Variants in EFCAB5 observed in about 807,000 individuals in gnomAD.
EFCAB5 encodes EF-hand calcium binding domain 5.
Under a neutral mutation model 167.9 loss-of-function variants are expected in EFCAB5, and 131 were observed. That is an observed-to-expected ratio of 0.78 (90% CI 0.68 to 0.90). EFCAB5 has a LOEUF of 0.90. Among genes scored for constraint, EFCAB5 ranks in the 40% least tolerant of loss-of-function variants. The pLI is 0.00. For synonymous variants in EFCAB5, 574 were observed against 602.8 expected (o/e 0.95, Z 0.70); for missense variants, 1,663 against 1,745.2 (o/e 0.95, Z 0.84).
intron 9 of EFCAB5, among the ~76,000 whole-genome samples, chr17:30,051,597 C>T (rs1230828222): frequency 1.3e-5 from 2 of 152,174 alleles, no homozygotes; most frequent in Non-Finnish European, 2.9e-5. Context: ...ACTCTTCTCA[C>T]CCAGGCTGGA....
intron 22 of EFCAB5, among the ~76,000 whole-genome samples, chr17:30,093,377 G>C (rs759188803): frequency 2.6e-5 from 4 of 152,200 alleles, no homozygotes; most frequent in Non-Finnish European, 5.9e-5. Flanking sequence ...ACATATGAGA[G>C]TAAATATACA....
Position 30,078,743 on chromosome 17 carries a change from G to T in EFCAB5, c.3027+239G>T, listed in dbSNP as rs146136887. On this transcript the variant is annotated intron_variant, in intron 15 of 22. Coordinates refer to ENST00000394835, the MANE Select transcript of EFCAB5 (RefSeq NM_198529.4). ...AGGTAGAAAAGACAGATGTAGAAAA[G>T]ATGTCTTGGGATTTCTAATTTCATT... is the stretch of plus-strand genomic sequence containing the variant. Among the ~76,000 whole-genome samples, 684 of 152,292 alleles carry T rather than the reference G, an allele frequency of 4.5e-3. 5 individuals carry two copies. Among genetic ancestry groups the T allele is most frequent in the African/African-American group, 0.016 (646 of 41,548 alleles).
chr17:30,022,290 A>G (rs1278344928), intron 7 of EFCAB5, among the ~76,000 whole-genome samples: 1 of 152,192 alleles, frequency 6.6e-6, no homozygotes, highest in East Asian at 1.9e-4. Flanking sequence ...AGGTATATGC[A>G]GGAATTTATT....
At position 29,966,281 on chromosome 17, in the gene EFCAB5, C is replaced by T. The variant is rs1166348010; in HGVS notation, c.191-2510C>T. ...TCTTACATTATTTATTTGAATATTT[C>T]ATTATGTCTAACACTTGGCTTACAC... is the stretch of plus-strand genomic sequence containing the variant. On this transcript the variant is annotated intron_variant, in intron 3 of 22. Transcript: ENST00000394835. 3.3e-5 allele frequency among the ~76,000 whole-genome samples: 5 copies of T among 152,058 alleles called. No homozygotes were observed. In the South Asian group the frequency reaches 1.0e-3, roughly 32 times the overall value.
chr17:29,950,231 T>C (rs1443899266), intron 3 of EFCAB5, among the ~76,000 whole-genome samples: 1 of 152,118 alleles, frequency 6.6e-6, no homozygotes, highest in Non-Finnish European at 1.5e-5. Context: ...ACTTAATGAA[T>C]AGTAAATATA....
intron 14 of EFCAB5, among the ~76,000 whole-genome samples, chr17:30,064,843 T>A (rs1190753302): frequency 1.3e-5 from 2 of 151,472 alleles, no homozygotes; most frequent in Non-Finnish European, 2.9e-5. Flanking sequence ...AACAGTGGAG[T>A]CCCCATTAGA....
intron 14 of EFCAB5, chr17:30,072,986 C>T: frequency 4.1e-6 from 2 of 491,056 alleles, no homozygotes; most frequent in Non-Finnish European, 3.6e-6. Flanking sequence ...TCATATTGTC[C>T]CAGTTTTAGA....
intron 8 of EFCAB5, 47 bp from the exon 9 acceptor site, chr17:30,051,071 C>T (rs773185665): frequency 6.3e-7 from 1 of 1,577,040 alleles, no homozygotes. Context: ...GCATAAAAAT[C>T]TTAAATCTCC....
rs181880643 is a variant in EFCAB5 at position 29,993,347 on chromosome 17, A to C, written c.924+26A>C. 142 of 1,600,346 alleles carry C rather than the reference A, an allele frequency of 8.9e-5. No individual in the cohort carries two copies. In the African/African-American group the frequency reaches 1.4e-3, roughly 16 times the overall value. On this transcript the variant is annotated intron_variant, in intron 5 of 22. Coordinates refer to ENST00000394835, the MANE Select transcript of EFCAB5 (RefSeq NM_198529.4). The stretch of plus-strand genomic sequence containing the variant: ...GTAAGAAAATTGGGGGTATATGTGA[A>C]AGGTAGGTGGGGTAAGTGGTAAAAG...
At chr17:30,012,632 G>A (rs552049441) in intron 7 of EFCAB5, among the ~76,000 whole-genome samples, 1 of 152,128 alleles carries the variant, frequency 6.6e-6, no homozygotes, top group African/African-American at 2.4e-5. Flanking sequence ...GGTATTTGGG[G>A]CCACTACTGG....
intron 18 of EFCAB5, among the ~76,000 whole-genome samples, chr17:30,083,520 T>G (rs1389141063): frequency 1.3e-5 from 2 of 152,218 alleles, no homozygotes; most frequent in East Asian, 1.9e-4. Context: ...AATAGCGCAA[T>G]CTCAGCTTAC....
chr17:30,003,664 A>G (rs1351253337), intron 7 of EFCAB5, among the ~76,000 whole-genome samples: 1 of 148,402 alleles, frequency 6.7e-6, no homozygotes, highest in Non-Finnish European at 1.5e-5. Flanking sequence ...CATGTCTTTT[A>G]TTTCTTTGCT....
intron 8 of EFCAB5, among the ~76,000 whole-genome samples, chr17:30,041,540 C>T (rs1231457127): frequency 6.6e-6 from 1 of 152,112 alleles, no homozygotes; most frequent in African/African-American, 2.4e-5. Flanking sequence ...CCGGTGAAGA[C>T]ATTAGCATTG....
intron 8 of EFCAB5, among the ~76,000 whole-genome samples, chr17:30,047,678 T>C (rs2069965180): frequency 6.6e-6 from 1 of 152,210 alleles, no homozygotes; most frequent in Admixed American, 6.5e-5. Context: ...AAAGTGGCCA[T>C]CTAAATGTTT....
At chr17:29,967,774 G>A (rs967164220) in intron 3 of EFCAB5, among the ~76,000 whole-genome samples, 13 of 151,760 alleles carry the variant, frequency 8.6e-5, no homozygotes, top group African/African-American at 1.7e-4. Context: ...TAATATCTCC[G>A]TCCTGCATTT....
At chr17:29,986,869 G>C (rs370531488) in intron 4 of EFCAB5, among the ~76,000 whole-genome samples, 1 of 151,594 alleles carries the variant, frequency 6.6e-6, no homozygotes, top group Non-Finnish European at 1.5e-5. Context: ...GGATGGTCTC[G>C]ATCTCCTGAC....
intron 15 of EFCAB5, among the ~76,000 whole-genome samples, chr17:30,079,461 G>A (rs2070938511): frequency 6.6e-6 from 1 of 152,148 alleles, no homozygotes; most frequent in South Asian, 2.1e-4. Flanking sequence ...TATGTTTAAT[G>A]TATATATTGA....
intron 10 of EFCAB5, 73 bp downstream of exon 10, chr17:30,054,221 A>C (rs1161844798): frequency 1.4e-6 from 2 of 1,453,214 alleles, no homozygotes; most frequent in Non-Finnish European, 1.8e-6. Context: ...TTCAGAAAAC[A>C]CTCATTTAAG....
At chr17:30,032,345 G>A (rs1362286508) in intron 7 of EFCAB5, among the ~76,000 whole-genome samples, 1 of 152,114 alleles carries the variant, frequency 6.6e-6, no homozygotes, top group Non-Finnish European at 1.5e-5. Context: ...GGAGGAATCT[G>A]GCCACCCCAA....
Sources: allele counts gnomAD v4.1 joint callset (sites outside exome capture counted in the v4.1 genomes callset), GRCh38; gene constraint gnomAD v4.1.1; transcripts MANE v1.5; gene names NCBI Gene and HGNC (gene_info 2026-07-23, HGNC 2026-07-21).